Variants in CPA5 observed in about 807,000 individuals in gnomAD.
CPA5 encodes the protein testicular tissue protein Li 32.
CPA5 carries 38 observed loss-of-function variants against 52.2 expected under a neutral mutation model. The observed-to-expected ratio is 0.73, with a 90% CI of 0.56 to 0.95. The LOEUF (loss-of-function observed/expected upper bound fraction) is 0.95, where lower values mean the gene tolerates loss of function less well. Ranked by LOEUF, CPA5 falls within the 40% of genes least tolerant of loss-of-function variation. The probability of loss-of-function intolerance (pLI) is 0.00; values close to 1 mark genes in which losing one functional copy is unlikely to be tolerated. For synonymous variants in CPA5, 198 were observed against 213.7 expected, an observed-to-expected ratio of 0.93 and a Z score of 0.64; for missense variants, 519 against 566.7, an observed-to-expected ratio of 0.92 and a Z score of 0.86.
At chr7:130,353,932 A>G (rs1348107711) in intron 5 of CPA5, among the ~76,000 whole-genome samples, 1 of 152,148 alleles carries the variant, frequency 6.6e-6, no homozygotes, top group African/African-American at 2.4e-5. Context: ...TATTGTATTT[A>G]TTTATTTTGA....
downstream of CPA5, among the ~76,000 whole-genome samples, chr7:130,371,382 G>GT (rs1364789766): frequency 6.6e-6 from 1 of 152,212 alleles, no homozygotes; most frequent in African/African-American, 2.4e-5. Context: ...CAGGTCCTGA[G>GT]TGGCAGGGTT....
Position 130,346,619 on chromosome 7 carries a change from A to C in CPA5, c.116+18A>C. 6.3e-7 allele frequency: 1 copy of C among 1,596,916 alleles called. No homozygotes were observed. The highest frequency in any genetic ancestry group is 8.6e-7 in the Non-Finnish European group (1 of 1,164,710). ...TTCACAGGGTGAGTGGCTGCTCCACAGTGGGAGGGAGGACTGGCTGGGAGG... is the reference window on the plus strand; with the variant it reads ...TTCACAGGGTGAGTGGCTGCTCCACCGTGGGAGGGAGGACTGGCTGGGAGG... On this transcript the variant is annotated intron_variant, in intron 3 of 12. Transcript: ENST00000474905.
At chr7:130,367,592 C>T (rs1554408921) in intron 11 of CPA5, 21 bp downstream of exon 11, 1 of 1,604,426 alleles carries the variant, frequency 6.2e-7, no homozygotes, top group Admixed American at 1.7e-5. Flanking sequence ...CTGCTTAGGG[C>T]CTGGGGAGAA....
intron 5 of CPA5, among the ~76,000 whole-genome samples, chr7:130,356,089 C>G (rs1436454998): frequency 3.9e-5 from 6 of 152,186 alleles, no homozygotes; most frequent in African/African-American, 4.8e-5. Context: ...AGGCCAGGAA[C>G]GTGGGAGGAG....
At chr7:130,359,104 A>AG (rs1795650166) in intron 5 of CPA5, among the ~76,000 whole-genome samples, 1 of 152,158 alleles carries the variant, frequency 6.6e-6, no homozygotes. Context: ...TGCTTCCCCC[A>AG]GGGGGGTCAG....
At chr7:130,368,296 G>C in intron 12 of CPA5, 114 bp from the exon 13 acceptor site, 2 of 994,402 alleles carry the variant, frequency 2.0e-6, no homozygotes, top group East Asian at 2.4e-5. Flanking sequence ...TGTGGCCTGG[G>C]GTGGGTGGGG....
downstream of CPA5, among the ~76,000 whole-genome samples, chr7:130,371,679 T>C (rs1402835463): frequency 3.3e-5 from 5 of 152,058 alleles, no homozygotes; most frequent in African/African-American, 9.7e-5. Flanking sequence ...TGCCTCAGCC[T>C]CCCGAGTAGC....
chr7:130,368,873 G>A (rs1190215165), downstream of CPA5: 6 of 455,268 alleles, frequency 1.3e-5, no homozygotes, highest in East Asian at 4.1e-5. Flanking sequence ...AAATAAGGGG[G>A]TAGAGGCTGT....
intron 4 of CPA5, among the ~76,000 whole-genome samples, 198 bp from the exon 5 acceptor site, chr7:130,349,777 A>G (rs1334594129): frequency 1.3e-5 from 2 of 150,990 alleles, no homozygotes; most frequent in African/African-American, 4.9e-5. Context: ...AGGAAAGAGC[A>G]TAGTCTAGGG....
intron 11 of CPA5, 133 bp from the exon 12 acceptor site, chr7:130,367,773 C>G: frequency 1.1e-6 from 1 of 878,256 alleles, no homozygotes; most frequent in Non-Finnish European, 1.9e-6. Flanking sequence ...GTGCTCCCTT[C>G]TCACAAGGGC....
downstream of CPA5, among the ~76,000 whole-genome samples, chr7:130,370,292 A>G (rs1796281786): frequency 1.3e-5 from 2 of 152,098 alleles, no homozygotes; most frequent in South Asian, 4.1e-4. Context: ...GCAGCAGAGG[A>G]GGAGAAAATC....
At chr7:130,363,038 G>A (rs1554407261) in intron 9 of CPA5, 44 bp downstream of exon 9, 2 of 1,211,436 alleles carry the variant, frequency 1.7e-6, no homozygotes, top group South Asian at 2.5e-5. Flanking sequence ...TCAGCTCTAG[G>A]GGGATGGAGA....
intron 5 of CPA5, among the ~76,000 whole-genome samples, chr7:130,356,199 C>T (rs1278627261): frequency 6.6e-6 from 1 of 152,014 alleles, no homozygotes; most frequent in Non-Finnish European, 1.5e-5. Context: ...GAGATCTGCT[C>T]TCCTCCGCCT....
chr7:130,367,516 T>G lies in CPA5; in HGVS notation c.983T>G (p.Met328Arg). Reference protein sequence around the residue: ...ALISIHSYSQMLMYPYGRLLE... With the variant: ...ALISIHSYSQRLMYPYGRLLE... The stretch of plus-strand genomic sequence containing the variant: ...ATCTCCATCCACAGCTACTCTCAGA[T>G]GCTTATGTACCCTTACGGCCGATTG... Residue 328 changes from methionine (M) to arginine (R), a missense_variant, in exon 11 of 13, where the codon ATG becomes AGG. Transcript: ENST00000474905. The G allele has an allele frequency of 6.2e-7, 1 of 1,614,084 alleles. No homozygotes were observed. Among genetic ancestry groups the G allele is most frequent in the Non-Finnish European group, 8.5e-7 (1 of 1,180,006 alleles).
intron 10 of CPA5, among the ~76,000 whole-genome samples, chr7:130,366,654 G>A (rs554050100): frequency 9.9e-5 from 15 of 152,264 alleles, no homozygotes; most frequent in Admixed American, 5.2e-4. Flanking sequence ...CTATTCTCCC[G>A]TATTGGTTTC....
chr7:130,372,901 T>C (rs1796307959), downstream of CPA5, among the ~76,000 whole-genome samples: 1 of 152,208 alleles, frequency 6.6e-6, no homozygotes, highest in South Asian at 2.1e-4. Flanking sequence ...TAAAGCCATA[T>C]AATTATCCAG....
intron 6 of CPA5, 43 bp downstream of exon 6, chr7:130,359,730 G>A: frequency 7.3e-7 from 1 of 1,371,060 alleles, no homozygotes; most frequent in South Asian, 1.3e-5. Flanking sequence ...TGTGTCTTTG[G>A]GCCCCTTAGG....
intron 9 of CPA5, 119 bp downstream of exon 9, chr7:130,363,113 C>A: frequency 1.5e-6 from 1 of 652,884 alleles, no homozygotes; most frequent in Non-Finnish European, 2.7e-6. Context: ...TCACCAAGGG[C>A]AGGAGGGCTG....
chr7:130,350,080 G>T lies in CPA5; in HGVS notation c.304G>T (p.Ala102Ser). 6.2e-7 allele frequency: 1 copy of T among 1,613,562 alleles called. No homozygotes were observed. Among genetic ancestry groups the T allele is most frequent in the Non-Finnish European group, 8.5e-7 (1 of 1,179,852 alleles). ...AGCTTATCTGGAGTCTCATGGACTT[G>T]CTTACAGCATCATGATAAAGGACAT... ...IKAYLESHGL[A>S]YSIMIKDIQV... Residue 102 changes from alanine (A) to serine (S), a missense_variant, in exon 5 of 13, where the codon GCT becomes TCT. Coordinates refer to ENST00000474905, the MANE Select transcript of CPA5 (RefSeq NM_080385.5).
Sources: allele counts gnomAD v4.1 joint callset (sites outside exome capture counted in the v4.1 genomes callset), GRCh38; gene constraint gnomAD v4.1.1; transcripts MANE v1.5; gene names NCBI Gene and HGNC (gene_info 2026-07-23, HGNC 2026-07-21).